GAPVD1: variants seen among roughly 807,000 people sequenced by gnomAD.
The protein encoded by GAPVD1 is GTPase-activating protein and VPS9 domain-containing protein 1.
GAPVD1 carries 35 observed loss-of-function variants against 155.5 expected under a neutral mutation model. The observed-to-expected ratio is 0.23, with a 90% CI of 0.17 to 0.30. The LOEUF (loss-of-function observed/expected upper bound fraction) is 0.30. Ranked by LOEUF, GAPVD1 falls within the 10% of genes least tolerant of loss-of-function variation. The pLI, the probability that GAPVD1 is intolerant of heterozygous loss-of-function variation, is 1.00. For missense variants in GAPVD1, 1,429 were observed against 1,775.7 expected (o/e 0.80, Z 3.51); for synonymous variants, 636 against 619.7 (o/e 1.03, Z -0.39).
chr9:125,263,736 G>A, intron 1 of GAPVD1: 1 of 780,098 alleles, frequency 1.3e-6, no homozygotes, highest in Non-Finnish European at 2.2e-6. Context: ...AGGTATGTCT[G>A]TCAGCTTCCC....
At position 125,342,314 on chromosome 9, in the gene GAPVD1, G is replaced by T. The variant is rs1239036601; in HGVS notation, c.3046+15G>T. On this transcript the variant is annotated intron_variant, in intron 19 of 27. Coordinates refer to ENST00000297933, the MANE Select transcript of GAPVD1 (RefSeq NM_001282680.3). ...AACACTCACAGGTTTGTAGACCCAT[G>T]GACTTCCTGGCTCCTTCATTCCCAG... The T allele has an allele frequency of 8.6e-6, 12 of 1,394,308 alleles. No individual in the cohort carries two copies. The Admixed American group carries it at 1.2e-4, about 14-fold the overall frequency. 86.4% of individuals were successfully genotyped at this position (1,394,308 alleles called of 1,614,324 possible). A position where few individuals can be genotyped will look rare whatever the true frequency, so the allele number is the denominator to read the frequency against.
rs1564412681 is a variant in GAPVD1, at chr9:125,331,912, T to TA, written c.2174-13dup. On this transcript the variant is annotated splice_polypyrimidine_tract_variant and intron_variant, in intron 13 of 27. Coordinates refer to ENST00000297933, the MANE Select transcript of GAPVD1 (RefSeq NM_001282680.3). ...AGAATCACAAATGTAACATACCTCT[T>TA]ATCTTCTATTTAGAGGCCCCAGACC... is the stretch of plus-strand genomic sequence containing the variant. 6.2e-7 allele frequency: 1 copy of TA among 1,613,276 alleles called. No individual in the cohort carries two copies. The highest frequency in any genetic ancestry group is 2.2e-5 in the East Asian group (1 of 44,890).
rs1851403614 is a variant in GAPVD1, at chr9:125,365,315, T to C, written c.*2569T>C. On this transcript the variant is annotated 3_prime_UTR_variant, in exon 28 of 28. Transcript: ENST00000297933. ...ACAGGTATGTGAGATGGGGAGTGAT[T>C]TGATTTTTTTTTTTTTTTTTAATAG... is the stretch of plus-strand genomic sequence containing the variant. 1 of 122,070 alleles carries C rather than the reference T, an allele frequency of 8.2e-6. No individual in the cohort carries two copies. Among genetic ancestry groups the C allele is most frequent in the African/African-American group, 3.7e-5 (1 of 27,034 alleles). 7.6% of individuals were successfully genotyped at this position (122,070 alleles called of 1,614,324 possible).
At chr9:125,342,085 A>T in intron 18 of GAPVD1, 134 bp from the exon 19 acceptor site, 1 of 601,340 alleles carries the variant, frequency 1.7e-6, no homozygotes, top group Non-Finnish European at 3.0e-6. Flanking sequence ...AAGGACAATT[A>T]TCAGTCAACA....
intron 6 of GAPVD1, among the ~76,000 whole-genome samples, chr9:125,305,894 C>T (rs1278112609): frequency 1.3e-5 from 2 of 152,128 alleles, no homozygotes; most frequent in African/African-American, 2.4e-5. Flanking sequence ...CTCAAGTGAT[C>T]CTCCTGCCTC....
At chr9:125,330,053 C>A in intron 12 of GAPVD1, 25 bp from the exon 13 acceptor site, 1 of 1,568,322 alleles carries the variant, frequency 6.4e-7, no homozygotes. Flanking sequence ...CTTTGTTAAC[C>A]CTTTGCTTCC....
chr9:125,332,780 C>A, intron 15 of GAPVD1, 151 bp downstream of exon 15: 1 of 609,722 alleles, frequency 1.6e-6, no homozygotes, highest in Non-Finnish European at 2.7e-6. Flanking sequence ...TGTTCACATT[C>A]TAAATTTAGT....
In GAPVD1 at chr9:125,310,801, G is replaced by A. The variant is rs188786855; in HGVS notation, c.1442-1651G>A. 5.0e-3 allele frequency among the ~76,000 whole-genome samples: 757 copies of A among 150,030 alleles called. 9 individuals are homozygous for A. The highest frequency in any genetic ancestry group is 0.017 in the African/African-American group (709 of 40,898). ...GATCCACCCACCTCAGCCTCCCAAA[G>A]TGCTGAGATTACAGGCGTGAGCCAC... On this transcript the variant is annotated intron_variant, in intron 8 of 27. Transcript: ENST00000297933.
intron 20 of GAPVD1, 36 bp from the exon 21 acceptor site, chr9:125,349,354 C>G: frequency 6.3e-7 from 1 of 1,588,532 alleles, no homozygotes; most frequent in Non-Finnish European, 8.6e-7. Context: ...CCAAATGAAC[C>G]TGGGTATCCG....
chr9:125,282,141 T>G (rs1047035220), intron 2 of GAPVD1, among the ~76,000 whole-genome samples: 2 of 152,048 alleles, frequency 1.3e-5, no homozygotes, highest in Non-Finnish European at 1.5e-5. Context: ...TAGCTGGGCA[T>G]AGTGGCGTAT....
intron 4 of GAPVD1, among the ~76,000 whole-genome samples, chr9:125,301,523 A>G (rs958937766): frequency 2.6e-5 from 4 of 151,320 alleles, no homozygotes; most frequent in African/African-American, 7.3e-5. Context: ...ATTGCAGCTC[A>G]CTGCAACCTC....
intron 12 of GAPVD1, among the ~76,000 whole-genome samples, chr9:125,327,592 C>T (rs1410965369): frequency 6.6e-6 from 1 of 152,100 alleles, no homozygotes; most frequent in African/African-American, 2.4e-5. Context: ...CAACCTCTGC[C>T]TCCCTGGTTT....
Position 125,337,538 on chromosome 9 carries a change from G to T in GAPVD1, c.2824G>T (p.Ala942Ser), listed in dbSNP as rs772392656. 2 of 1,613,968 alleles carry T rather than the reference G, an allele frequency of 1.2e-6. No individual in the cohort carries two copies. Among genetic ancestry groups the T allele is most frequent in the East Asian group, 2.2e-5 (1 of 44,900 alleles). ...AGCCATTGGTGCTACTTCTTTGGTGGCTGCACCTCATTCATCATCTTCATC... is the reference window on the plus strand; with the variant it reads ...AGCCATTGGTGCTACTTCTTTGGTGTCTGCACCTCATTCATCATCTTCATC... ...AAAIGATSLV[A>S]APHSSSSSPS... The change falls in exon 17 of 28, where the codon GCT (alanine) becomes TCT (serine). Residue 942 changes from alanine to serine, a missense_variant. By Grantham distance (99) the Ala-to-Ser change is moderately conservative. Coordinates refer to ENST00000297933, the MANE Select transcript of GAPVD1 (RefSeq NM_001282680.3).
At chr9:125,327,723 C>T (rs964117097) in intron 12 of GAPVD1, among the ~76,000 whole-genome samples, 5 of 152,038 alleles carry the variant, frequency 3.3e-5, no homozygotes, top group Admixed American at 6.6e-5. Context: ...AGGCTGGTCT[C>T]GAACTCCTGA....
chr9:125,317,626 A>T (rs1034118078), intron 9 of GAPVD1, among the ~76,000 whole-genome samples: 5 of 134,876 alleles, frequency 3.7e-5, no homozygotes, highest in African/African-American at 1.4e-4. Flanking sequence ...ACTCTGTCTC[A>T]AAAAAAAAAA....
intron 8 of GAPVD1, chr9:125,308,278 C>T (rs531694400): frequency 2.9e-5 from 6 of 206,644 alleles, no homozygotes; most frequent in Non-Finnish European, 4.8e-5. Flanking sequence ...CCTGGGAGGT[C>T]GAGGCTGCAG....
intron 4 of GAPVD1, among the ~76,000 whole-genome samples, chr9:125,300,428 C>T (rs1840687121): frequency 6.6e-6 from 1 of 151,846 alleles, no homozygotes; most frequent in African/African-American, 2.4e-5. Flanking sequence ...AGTCTGCCCC[C>T]TCGGCCTCCC....
chr9:125,323,509 G>A (rs1021492107), intron 10 of GAPVD1, among the ~76,000 whole-genome samples: 1 of 152,078 alleles, frequency 6.6e-6, no homozygotes, highest in Non-Finnish European at 1.5e-5. Flanking sequence ...GTTTCACCAT[G>A]TTAGCCAGGA....
intron 19 of GAPVD1, among the ~76,000 whole-genome samples, chr9:125,342,800 C>T (rs1392721643): frequency 6.6e-6 from 1 of 152,104 alleles, no homozygotes; most frequent in Non-Finnish European, 1.5e-5. Context: ...AGTGTTTGTT[C>T]AAACAGTATC....
Sources: gnomAD v4.1 joint callset for allele counts (sites outside exome capture counted in the v4.1 genomes callset) on GRCh38, gnomAD v4.1.1 for gene constraint, MANE v1.5 for transcripts, NCBI Gene and HGNC (gene_info 2026-07-23, HGNC 2026-07-21) for gene names.